USP25: variants seen among roughly 807,000 people sequenced by gnomAD.
USP25 encodes ubiquitin specific peptidase 25.
A neutral mutation model predicts 158.5 loss-of-function variants in USP25; 85 were observed. That is an observed-to-expected ratio of 0.54 (90% CI 0.45 to 0.64). The LOEUF (loss-of-function observed/expected upper bound fraction) is 0.64, where lower values mean the gene tolerates loss of function less well. Ranked by LOEUF, USP25 falls within the 30% of genes least tolerant of loss-of-function variation. USP25 has a pLI of 0.00. For missense variants in USP25, 1,242 were observed against 1,327.3 expected (o/e 0.94, Z 1.00); for synonymous variants, 464 against 460.4 (o/e 1.01, Z -0.10).
chr21:15,794,148 C>T (rs1237821525), intron 5 of USP25, among the ~76,000 whole-genome samples: 1 of 151,494 alleles, frequency 6.6e-6, no homozygotes, highest in Admixed American at 6.6e-5. Context: ...ATATATTGAC[C>T]AGTTATAGAA....
At chr21:15,748,812 C>T (rs1283871881) in intron 1 of USP25, among the ~76,000 whole-genome samples, 1 of 152,076 alleles carries the variant, frequency 6.6e-6, no homozygotes, top group Non-Finnish European at 1.5e-5. Context: ...GCTAATTTGG[C>T]ATTTGTGGCT....
At position 15,864,243 on chromosome 21, in the gene USP25, T is replaced by C. The variant is rs983201785; in HGVS notation, c.2548-25T>C. On this transcript the variant is annotated intron_variant, in intron 20 of 25. Transcript: ENST00000400183. Reference sequence around the variant, plus strand: ...TTGGTGTTCAAATAATTAACCAAAATTATCATTTTCATTGCATTTTCCAGG... The same window carrying C: ...TTGGTGTTCAAATAATTAACCAAAACTATCATTTTCATTGCATTTTCCAGG... The C allele has an allele frequency of 3.1e-6, 5 of 1,587,620 alleles. No individual in the cohort carries two copies. The African/African-American group carries it at 6.9e-5, about 22-fold the overall frequency.
intron 24 of USP25, among the ~76,000 whole-genome samples, chr21:15,874,740 G>A (rs2040033244): frequency 1.3e-5 from 2 of 152,146 alleles, no homozygotes; most frequent in East Asian, 1.9e-4. Flanking sequence ...TGATAAATGA[G>A]AAATGTTCTT....
intron 1 of USP25, among the ~76,000 whole-genome samples, chr21:15,738,235 C>T (rs2031706670): frequency 6.6e-6 from 1 of 152,134 alleles, no homozygotes; most frequent in African/African-American, 2.4e-5. Flanking sequence ...ATCTCTCATA[C>T]TGGAAAAGAA....
chr21:15,801,127 G>T (rs17307176), intron 6 of USP25, among the ~76,000 whole-genome samples: 14,435 of 151,450 alleles, frequency 0.095, 707 homozygotes, highest in African/African-American at 0.1. Context: ...TGTGTGAAAT[G>T]GTTGAGAATT....
chr21:15,740,729 G>C (rs1336292160), intron 1 of USP25, among the ~76,000 whole-genome samples: 1 of 143,670 alleles, frequency 7.0e-6, no homozygotes, highest in African/African-American at 2.6e-5. Flanking sequence ...TTTTTGTGGG[G>C]GCTAACCATA....
In USP25 at chr21:15,879,477, T is replaced by C. The variant is rs1052756187; in HGVS notation, c.*1002T>C. The C allele has an allele frequency of 3.3e-5, 5 of 152,492 alleles. No individual in the cohort carries two copies. Among genetic ancestry groups the C allele is most frequent in the Non-Finnish European group, 7.4e-5 (5 of 67,918 alleles). The allele number at this position is 152,492 out of a possible 1,614,324, so 9.4% of individuals were successfully genotyped here. On this transcript the variant is annotated 3_prime_UTR_variant, in exon 26 of 26. Transcript: ENST00000400183. ...TAATACTGTGAAACAAAATTGATGT[T>C]GTTTAACTAGAAGTTATGAGTATCT...
chr21:15,820,900 A>G (rs1474372270), intron 10 of USP25, among the ~76,000 whole-genome samples: 1 of 151,978 alleles, frequency 6.6e-6, no homozygotes, highest in Non-Finnish European at 1.5e-5. Flanking sequence ...AATTGGCTAT[A>G]AGAGTTTAAA....
At chr21:15,736,603 T>C (rs1256476149) in intron 1 of USP25, among the ~76,000 whole-genome samples, 3 of 151,688 alleles carry the variant, frequency 2.0e-5, no homozygotes, top group Non-Finnish European at 2.9e-5. Context: ...GCTCTTTTAA[T>C]TTTAAACAAA....
chr21:15,804,284 T>C lies in USP25; in HGVS notation c.643-837T>C, dbSNP rs566681705. On this transcript the variant is annotated intron_variant, in intron 6 of 25. Transcript: ENST00000400183. ...GAAATTCTTGTCTTTGAGAATCTTA[T>C]AGTCTTATTGAGAAACAAAAGTAAG... Among the ~76,000 whole-genome samples, 354 of 151,812 alleles carry C rather than the reference T, an allele frequency of 2.3e-3. 2 individuals carry two copies. The highest frequency in any genetic ancestry group is 6.3e-3 in the African/African-American group (260 of 41,498).
intron 8 of USP25, among the ~76,000 whole-genome samples, chr21:15,810,334 C>T (rs1258455475): frequency 3.9e-5 from 6 of 151,970 alleles, no homozygotes; most frequent in African/African-American, 1.2e-4. Context: ...CCCCTCTCTC[C>T]CTTTTTAAAC....
intron 9 of USP25, among the ~76,000 whole-genome samples, chr21:15,814,051 C>T (rs540274266): frequency 2.4e-4 from 36 of 151,156 alleles, no homozygotes; most frequent in African/African-American, 7.8e-4. Flanking sequence ...GAATAAGTCT[C>T]CTGAGACTTA....
At chr21:15,794,942 T>G (rs894334235) in intron 5 of USP25, among the ~76,000 whole-genome samples, 1 of 151,592 alleles carries the variant, frequency 6.6e-6, no homozygotes, top group Non-Finnish European at 1.5e-5. Context: ...TAAAAAATGA[T>G]GCATATTGTC....
At chr21:15,861,775 A>G (rs914555884) in intron 20 of USP25, among the ~76,000 whole-genome samples, 1 of 152,140 alleles carries the variant, frequency 6.6e-6, no homozygotes, top group African/African-American at 2.4e-5. Context: ...AAGGAAGTGT[A>G]TAAAAAATAG....
At chr21:15,758,119 T>C (rs1002817366) in intron 1 of USP25, among the ~76,000 whole-genome samples, 1 of 152,186 alleles carries the variant, frequency 6.6e-6, no homozygotes, top group African/African-American at 2.4e-5. Context: ...ACCCAGACCC[T>C]CTGGAATCAA....
At chr21:15,773,294 T>G (rs769791297) in intron 3 of USP25, 8 of 152,354 alleles carry the variant, frequency 5.3e-5, no homozygotes, top group Admixed American at 3.9e-4. Flanking sequence ...GTACAAGATA[T>G]GCGAGGATGC....
chr21:15,805,828 G>A (rs1461694581), intron 7 of USP25, among the ~76,000 whole-genome samples: 7 of 152,158 alleles, frequency 4.6e-5, no homozygotes, highest in Non-Finnish European at 7.3e-5. Flanking sequence ...AAAAAATACA[G>A]TGGCAAAGAA....
intron 20 of USP25, among the ~76,000 whole-genome samples, chr21:15,858,025 G>C (rs1458399965): frequency 6.6e-6 from 1 of 151,946 alleles, no homozygotes; most frequent in African/African-American, 2.4e-5. Flanking sequence ...AGCTCTAACT[G>C]GGTCTCTGTA....
At chr21:15,849,499 T>G (rs1485723155) in intron 19 of USP25, among the ~76,000 whole-genome samples, 1 of 152,170 alleles carries the variant, frequency 6.6e-6, no homozygotes, top group Non-Finnish European at 1.5e-5. Flanking sequence ...GGATAGCACA[T>G]TTTTCTAATT....
Sources: gnomAD v4.1 joint callset for allele counts (sites outside exome capture counted in the v4.1 genomes callset) on GRCh38, gnomAD v4.1.1 for gene constraint, MANE v1.5 for transcripts, NCBI Gene and HGNC (gene_info 2026-07-23, HGNC 2026-07-21) for gene names.